Variants in C3orf20 observed in about 807,000 individuals in gnomAD.
C3orf20 encodes uncharacterized protein C3orf20.
C3orf20 carries 76 observed loss-of-function variants against 88.3 expected under a neutral mutation model. That is an observed-to-expected ratio of 0.86 (90% confidence interval 0.72 to 1.04). The LOEUF (loss-of-function observed/expected upper bound fraction) is 1.04, where lower values mean the gene tolerates loss of function less well. C3orf20 is among the 50% of genes least tolerant of loss of function. The probability of loss-of-function intolerance (pLI) is 0.00; values close to 1 mark genes in which losing one functional copy is unlikely to be tolerated. For missense variants in C3orf20, 1,056 were observed against 1,123.3 expected (o/e 0.94, Z 0.86); for synonymous variants, 436 against 437.4 (o/e 1.00, Z 0.04).
At chr3:14,751,971 G>A (rs1391394363) in intron 12 of C3orf20, among the ~76,000 whole-genome samples, 2 of 152,096 alleles carry the variant, frequency 1.3e-5, no homozygotes, top group African/African-American at 4.8e-5. Context: ...CACAGAATTG[G>A]AAAAGACTAC....
At position 14,759,964 on chromosome 3, in the gene C3orf20, TGAA is replaced by T. The variant is rs777083726; in HGVS notation, c.2325_2327del (p.Lys775del). Reference sequence around the variant, plus strand: ...CTGCAGGAGGACCCTCCCCTGATGGTGAAGAAGAACTCTGTGGTGCAGGGGATG... The same window carrying T: ...CTGCAGGAGGACCCTCCCCTGATGGTGAAGAACTCTGTGGTGCAGGGGATG... On this transcript the variant is annotated inframe_deletion, in exon 14 of 17. Transcript: ENST00000253697. 25 of 1,613,876 alleles carry T rather than the reference TGAA, an allele frequency of 1.5e-5. No individual in the cohort carries two copies. The highest frequency in any genetic ancestry group is 1.1e-4 in the African/African-American group (8 of 74,868).
rs200880624 is a variant in C3orf20, at chr3:14,682,656, G to C, written c.-58G>C. 6.5e-7 allele frequency: 1 copy of C among 1,544,346 alleles called. No individual in the cohort carries two copies. Among genetic ancestry groups the C allele is most frequent in the East Asian group, 2.3e-5 (1 of 44,426 alleles). ...ATCTCCAAGCCTTCACCGTAGGGAA[G>C]AACTTTTGCTCTCAGTCACCTCTCA... On this transcript the variant is annotated 5_prime_UTR_variant, in exon 3 of 17. Coordinates refer to ENST00000253697, the MANE Select transcript of C3orf20 (RefSeq NM_032137.5).
At chr3:14,756,667 A>T (rs921148155) in intron 12 of C3orf20, among the ~76,000 whole-genome samples, 4 of 152,216 alleles carry the variant, frequency 2.6e-5, no homozygotes, top group African/African-American at 9.7e-5. Flanking sequence ...AAAGGCCACT[A>T]TCCTCCAAGA....
At chr3:14,749,680 T>C (rs553365331) in intron 12 of C3orf20, among the ~76,000 whole-genome samples, 1 of 133,706 alleles carries the variant, frequency 7.5e-6, no homozygotes. Flanking sequence ...CATCATTGCC[T>C]TTTTTACGTT....
chr3:14,763,038 G>A (rs2035604480), intron 15 of C3orf20, among the ~76,000 whole-genome samples: 2 of 152,298 alleles, frequency 1.3e-5, no homozygotes, highest in Non-Finnish European at 1.5e-5. Flanking sequence ...ACTTCAAGAG[G>A]GAGAGGGCTT....
chr3:14,727,715 T>G (rs2034403228), intron 11 of C3orf20, among the ~76,000 whole-genome samples: 1 of 152,202 alleles, frequency 6.6e-6, no homozygotes, highest in African/African-American at 2.4e-5. Flanking sequence ...TGACTTCCAA[T>G]CGGTCACACC....
At chr3:14,748,641 G>C (rs192601541) in intron 12 of C3orf20, among the ~76,000 whole-genome samples, 5 of 152,158 alleles carry the variant, frequency 3.3e-5, no homozygotes, top group African/African-American at 9.6e-5. Context: ...GTTTTGGTAC[G>C]TTGTTTTTGT....
At chr3:14,704,181 T>C (rs1196047596) in intron 6 of C3orf20, among the ~76,000 whole-genome samples, 156 bp from the exon 7 acceptor site, 1 of 152,102 alleles carries the variant, frequency 6.6e-6, no homozygotes, top group Non-Finnish European at 1.5e-5. Context: ...TTCCCAAAAA[T>C]TACCTTTATG....
At chr3:14,720,265 C>T (rs1345287299) in intron 9 of C3orf20, among the ~76,000 whole-genome samples, 2 of 152,138 alleles carry the variant, frequency 1.3e-5, no homozygotes, top group East Asian at 1.9e-4. Context: ...CTCCTGACCT[C>T]GTGATCCGCC....
intron 1 of C3orf20, among the ~76,000 whole-genome samples, chr3:14,677,527 T>C (rs1258978056): frequency 6.6e-6 from 1 of 151,692 alleles, no homozygotes; most frequent in Non-Finnish European, 1.5e-5. Flanking sequence ...TAGACGGGAG[T>C]TTCGTTCCTG....
intron 11 of C3orf20, among the ~76,000 whole-genome samples, chr3:14,727,328 T>C (rs1008292221): frequency 2.6e-5 from 4 of 152,232 alleles, no homozygotes; most frequent in Non-Finnish European, 5.9e-5. Flanking sequence ...GGTAGCTGGC[T>C]GTGTCCCTCT....
intron 1 of C3orf20, among the ~76,000 whole-genome samples, chr3:14,679,474 A>G (rs570927395): frequency 1.2e-4 from 19 of 152,298 alleles, no homozygotes; most frequent in African/African-American, 4.6e-4. Flanking sequence ...TGGATGGTTG[A>G]GTGCTGGTGT....
chr3:14,677,231 C>CCAAAAAA (rs2031821053), intron 1 of C3orf20, among the ~76,000 whole-genome samples: 2 of 152,136 alleles, frequency 1.3e-5, no homozygotes, highest in African/African-American at 4.8e-5. Flanking sequence ...AAGTATACAG[C>CCAAAAAA]TGTGTATACT....
In C3orf20 at chr3:14,721,690, A is replaced by C; in HGVS notation, c.1472A>C (p.Asp491Ala). 7 of 1,613,962 alleles carry C rather than the reference A, an allele frequency of 4.3e-6. No homozygotes were observed. The highest frequency in any genetic ancestry group is 5.9e-6 in the Non-Finnish European group (7 of 1,179,970). Residue 491 changes from aspartate to alanine, a missense_variant, in exon 10 of 17, where the codon GAC (aspartate) becomes GCC (alanine). By Grantham distance (126) the Asp-to-Ala change is moderately radical (BLOSUM62 -2). Coordinates refer to ENST00000253697, the MANE Select transcript of C3orf20 (RefSeq NM_032137.5). ...ATGAAACTAAAGGTACTGGGACAGG[A>C]CTCCATCACAGTCACCTTCACCTCC... ...EEMKLKVLGQ[D>A]SITVTFTSLN...
At chr3:14,761,688 TGAAAGGGGAACTGAGGGGAGCAGGCG>T in intron 15 of C3orf20, 73 bp downstream of exon 15, 1 of 1,477,042 alleles carries the variant, frequency 6.8e-7, no homozygotes, top group African/African-American at 1.5e-5. Flanking sequence ...ACTTGGGCTG[TGAAAGGGGAACTGAGGGGAGCAGGCG>T]GGGCTGAAGG....
At chr3:14,712,196 A>T (rs1182475787) in intron 7 of C3orf20, among the ~76,000 whole-genome samples, 9 of 151,726 alleles carry the variant, frequency 5.9e-5, no homozygotes, top group Non-Finnish European at 2.9e-5. Flanking sequence ...ACACACACAC[A>T]CACACACACA....
Position 14,714,150 on chromosome 3 carries a change from TA to T in C3orf20, c.1309del (p.Thr437ProfsTer7), listed in dbSNP as rs757962317. 6.2e-7 allele frequency: 1 copy of T among 1,613,830 alleles called. No homozygotes were observed. The highest frequency in any genetic ancestry group is 8.5e-7 in the Non-Finnish European group (1 of 1,179,972). On this transcript the variant is annotated frameshift_variant, in exon 8 of 17. Coordinates refer to ENST00000253697, the MANE Select transcript of C3orf20 (RefSeq NM_032137.5). LOFTEE classifies it high-confidence loss of function. ...GGCCAGGGCTGTGTTCACTACAACC[TA>T]AAAACCAGGTAAGTGGACTGGGAGA... ...TEGQGCVHYN[L>X]KTSCPYVLIL...
chr3:14,754,483 C>A (rs1269031591), intron 12 of C3orf20, among the ~76,000 whole-genome samples: 2 of 152,200 alleles, frequency 1.3e-5, no homozygotes, highest in Non-Finnish European at 2.9e-5. Context: ...GGGGAGTAAG[C>A]TTAAAATGCT....
chr3:14,722,828 G>A (rs542322237), intron 10 of C3orf20, among the ~76,000 whole-genome samples: 1 of 152,288 alleles, frequency 6.6e-6, no homozygotes, highest in Non-Finnish European at 1.5e-5. Flanking sequence ...CTGTGTATCT[G>A]GTGATGTCAA....
Sources: allele counts gnomAD v4.1 joint callset (sites outside exome capture counted in the v4.1 genomes callset), GRCh38; gene constraint gnomAD v4.1.1; transcripts MANE v1.5; gene names NCBI Gene and HGNC (gene_info 2026-07-23, HGNC 2026-07-21).